APBB1IP: variants seen among roughly 807,000 people sequenced by gnomAD.
APBB1IP encodes the protein amyloid beta precursor protein binding family B member 1 interacting protein, also known as amyloid beta A4 precursor protein-binding family B member 1-interacting protein.
A neutral mutation model predicts 64.9 loss-of-function variants in APBB1IP; 27 were observed. The observed-to-expected ratio is 0.42, with a 90% CI of 0.31 to 0.57. APBB1IP has a LOEUF of 0.57. APBB1IP is among the 20% of genes least tolerant of loss of function. APBB1IP has a pLI of 0.20. For missense variants in APBB1IP, 812 were observed against 845.5 expected, an observed-to-expected ratio of 0.96 and a Z score of 0.49; for synonymous variants, 392 against 331.0, an observed-to-expected ratio of 1.18 and a Z score of -2.00.
chr10:26,558,554 G>A (rs2132482066), intron 11 of APBB1IP, among the ~76,000 whole-genome samples: 1 of 152,014 alleles, frequency 6.6e-6, no homozygotes, highest in East Asian at 1.9e-4. Flanking sequence ...GCTAAGGTGG[G>A]AGGATCACTT....
chr10:26,483,317 C>T (rs1222787164), intron 2 of APBB1IP, among the ~76,000 whole-genome samples: 2 of 151,972 alleles, frequency 1.3e-5, no homozygotes, highest in Non-Finnish European at 2.9e-5. Flanking sequence ...TGTGTAAACT[C>T]GATCGATTTA....
chr10:26,563,584 T>A (rs1195381523), intron 14 of APBB1IP, among the ~76,000 whole-genome samples: 1 of 152,212 alleles, frequency 6.6e-6, no homozygotes, highest in Non-Finnish European at 1.5e-5. Context: ...AGTTACTAAT[T>A]TAGTTCAAAG....
intron 2 of APBB1IP, among the ~76,000 whole-genome samples, chr10:26,477,016 G>A (rs1835784436): frequency 6.6e-6 from 1 of 152,138 alleles, no homozygotes; most frequent in South Asian, 2.1e-4. Context: ...GGCCAGGCTG[G>A]TCTCGAACTC....
rs71521689 is a variant in APBB1IP at position 26,536,222 on chromosome 10, G to GA, written c.1044+21dup. 0.062 allele frequency: 80,454 copies of GA among 1,301,698 alleles called. 94 individuals are homozygous for GA. Among genetic ancestry groups the GA allele is most frequent in the African/African-American group, 0.075 (4,404 of 58,718 alleles). The allele number at this position is 1,301,698 out of a possible 1,614,324, so 80.6% of individuals were successfully genotyped here. A position where few individuals can be genotyped will look rare whatever the true frequency, so the allele number is the denominator to read the frequency against. On this transcript the variant is annotated splice_donor_region_variant and intron_variant, in intron 10 of 14. Transcript: ENST00000376236. ...GTACCCAAAGGAAAGACTAAGGTCAGAAAAAAAAAAAAAAAAGCACTTAGC... is the reference window on the plus strand; with the variant it reads ...GTACCCAAAGGAAAGACTAAGGTCAGAAAAAAAAAAAAAAAAAGCACTTAGC...
At chr10:26,509,503 A>G (rs1240803045) in intron 6 of APBB1IP, 1 of 152,212 alleles carries the variant, frequency 6.6e-6, no homozygotes, top group Non-Finnish European at 1.5e-5. Flanking sequence ...ACACCCTTCC[A>G]TTGCTATCAG....
At chr10:26,469,529 C>T (rs1448147060) in intron 2 of APBB1IP, among the ~76,000 whole-genome samples, 4 of 152,040 alleles carry the variant, frequency 2.6e-5, no homozygotes, top group South Asian at 4.1e-4. Flanking sequence ...GGATTACAGG[C>T]GTGAACCACC....
At chr10:26,495,974 T>C (rs12246525) in intron 3 of APBB1IP, among the ~76,000 whole-genome samples, 1 of 142,684 alleles carries the variant, frequency 7.0e-6, no homozygotes, top group Non-Finnish European at 1.5e-5. Flanking sequence ...TTAATATATA[T>C]AAATATAATA....
intron 2 of APBB1IP, among the ~76,000 whole-genome samples, chr10:26,476,887 G>C (rs180760984): frequency 6.6e-6 from 1 of 151,962 alleles, no homozygotes; most frequent in African/African-American, 2.4e-5. Context: ...TACAATCTCC[G>C]CCTCCCAGGT....
intron 14 of APBB1IP, among the ~76,000 whole-genome samples, chr10:26,563,512 C>T (rs540766152): frequency 3.3e-5 from 5 of 152,160 alleles, no homozygotes; most frequent in East Asian, 3.9e-4. Context: ...TTTTTTCAAC[C>T]GAATAGATCA....
At chr10:26,549,479 C>T (rs933519378) in intron 11 of APBB1IP, among the ~76,000 whole-genome samples, 1 of 152,080 alleles carries the variant, frequency 6.6e-6, no homozygotes, top group Admixed American at 6.5e-5. Flanking sequence ...TTTATTACAG[C>T]TTCAATTTCA....
At chr10:26,536,880 G>A (rs1233282567) in intron 10 of APBB1IP, among the ~76,000 whole-genome samples, 1 of 151,800 alleles carries the variant, frequency 6.6e-6, no homozygotes, top group Non-Finnish European at 1.5e-5. Context: ...CAAAGTGCTG[G>A]GATTACAGGC....
chr10:26,513,749 T>C, intron 8 of APBB1IP, 89 bp downstream of exon 8: 1 of 1,455,236 alleles, frequency 6.9e-7, no homozygotes, highest in Middle Eastern at 1.9e-4. Context: ...GGAGACAGGG[T>C]CTGAAAGGCT....
chr10:26,527,983 C>T (rs960118724), intron 8 of APBB1IP, among the ~76,000 whole-genome samples: 2 of 152,092 alleles, frequency 1.3e-5, no homozygotes, highest in Non-Finnish European at 2.9e-5. Flanking sequence ...TGAGCCGCTG[C>T]GCCTGGCCCC....
chr10:26,438,484 T>TAAAA (rs1835303440), intron 1 of APBB1IP, 29 bp downstream of exon 1: 1 of 147,976 alleles, frequency 6.8e-6, no homozygotes, highest in African/African-American at 2.5e-5. Context: ...TTTCCCAGAA[T>TAAAA]TAAAATAAAA....
chr10:26,486,339 G>C (rs1040552002), intron 2 of APBB1IP, among the ~76,000 whole-genome samples: 1 of 152,140 alleles, frequency 6.6e-6, no homozygotes, highest in African/African-American at 2.4e-5. Context: ...TGGCTTGATA[G>C]AGAGAATGAA....
intron 2 of APBB1IP, among the ~76,000 whole-genome samples, chr10:26,472,862 G>A (rs551977069): frequency 1.3e-4 from 20 of 152,068 alleles, no homozygotes; most frequent in Admixed American, 8.5e-4. Flanking sequence ...ACTTGAACCC[G>A]GGAGGCAGAG....
intron 6 of APBB1IP, among the ~76,000 whole-genome samples, chr10:26,503,646 A>G (rs1043130811): frequency 1.3e-5 from 2 of 152,142 alleles, no homozygotes; most frequent in African/African-American, 4.8e-5. Flanking sequence ...AAAACAAGAA[A>G]AAAAGAAAAA....
rs753824149 is a variant in APBB1IP at position 26,496,292 on chromosome 10, C to A, written c.73-12C>A. 1 of 1,598,758 alleles carries A rather than the reference C, an allele frequency of 6.3e-7. No homozygotes were observed. The highest frequency in any genetic ancestry group is 8.6e-7 in the Non-Finnish European group (1 of 1,169,010). On this transcript the variant is annotated splice_polypyrimidine_tract_variant and intron_variant, in intron 3 of 14. Coordinates refer to ENST00000376236, the MANE Select transcript of APBB1IP (RefSeq NM_019043.4). Reference sequence around the variant, plus strand: ...TCATGAATAACTTTGATGGGGGGATCTTTTTTCACAGAGTTTAGGAGTTGA... The same window carrying A: ...TCATGAATAACTTTGATGGGGGGATATTTTTTCACAGAGTTTAGGAGTTGA...
At chr10:26,547,447 T>C (rs985426326) in intron 11 of APBB1IP, among the ~76,000 whole-genome samples, 2 of 152,132 alleles carry the variant, frequency 1.3e-5, no homozygotes, top group African/African-American at 4.8e-5. Context: ...CTTTGTTTTG[T>C]TTTGTTTTTT....
Sources: gnomAD v4.1 joint callset for allele counts (sites outside exome capture counted in the v4.1 genomes callset) on GRCh38, gnomAD v4.1.1 for gene constraint, MANE v1.5 for transcripts, NCBI Gene and HGNC (gene_info 2026-07-23, HGNC 2026-07-21) for gene names.